The following SLCO5A1 variants were observed in gnomAD, a reference collection of about 807,000 sequenced individuals.
SLCO5A1 encodes the protein solute carrier organic anion transporter family member 5A1.
SLCO5A1 carries 39 observed loss-of-function variants against 65.1 expected under a neutral mutation model. The observed-to-expected ratio is 0.60, with a 90% CI of 0.46 to 0.78. SLCO5A1 has a LOEUF of 0.78. Ranked by LOEUF, SLCO5A1 falls within the 30% of genes least tolerant of loss-of-function variation. SLCO5A1 has a pLI of 0.00. For missense variants in SLCO5A1, 1,029 were observed against 1,069.4 expected (o/e 0.96, Z 0.53); for synonymous variants, 438 against 415.7 (o/e 1.05, Z -0.65).
At chr8:69,834,499 C>G (rs1821330928) in intron 1 of SLCO5A1, among the ~76,000 whole-genome samples, 2 of 152,182 alleles carry the variant, frequency 1.3e-5, no homozygotes, top group Admixed American at 1.3e-4. Context: ...CGGGCTTCCC[C>G]GCCGCTGCCT....
intron 6 of SLCO5A1, among the ~76,000 whole-genome samples, chr8:69,694,765 A>G (rs1814427121): frequency 6.6e-6 from 1 of 152,256 alleles, no homozygotes; most frequent in African/African-American, 2.4e-5. Context: ...AAACTGAGTT[A>G]TTCCTTTGCT....
chr8:69,753,352 C>A (rs1019185818), intron 4 of SLCO5A1, among the ~76,000 whole-genome samples: 1 of 152,152 alleles, frequency 6.6e-6, no homozygotes, highest in Non-Finnish European at 1.5e-5. Context: ...TTCCTTGGTA[C>A]CTGAAAACCG....
At chr8:69,778,573 T>C (rs1013206497) in intron 2 of SLCO5A1, among the ~76,000 whole-genome samples, 1 of 152,202 alleles carries the variant, frequency 6.6e-6, no homozygotes, top group Non-Finnish European at 1.5e-5. Context: ...TAACTTTTCA[T>C]ATTTTCAGTT....
chr8:69,814,192 G>A (rs142016889), intron 2 of SLCO5A1, among the ~76,000 whole-genome samples: 36 of 152,078 alleles, frequency 2.4e-4, no homozygotes, highest in African/African-American at 8.7e-4. Context: ...TAGACAAATG[G>A]GATTACATCA....
chr8:69,690,796 T>C lies in SLCO5A1; in HGVS notation c.1623-8453A>G, dbSNP rs1416702621. Among the ~76,000 whole-genome samples, 5 of 152,174 alleles carry C rather than the reference T, an allele frequency of 3.3e-5. 1 individual carries two copies. Among genetic ancestry groups the C allele is most frequent in the Non-Finnish European group, 5.9e-5 (4 of 68,034 alleles). On this transcript the variant is annotated intron_variant, in intron 6 of 9. Transcript: ENST00000260126. The stretch of plus-strand genomic sequence containing the variant: ...AGAAAACTGAGAAAACTCTTCCTGG[T>C]CATTTGGTAGCTCAAGAATCACCCC...
intron 5 of SLCO5A1, among the ~76,000 whole-genome samples, chr8:69,718,632 T>G (rs2130824271): frequency 6.6e-6 from 1 of 152,340 alleles, no homozygotes; most frequent in African/African-American, 2.4e-5. Context: ...AAACATGTTT[T>G]TTAAAACAAC....
At chr8:69,676,767 A>G in intron 8 of SLCO5A1, 94 bp from the exon 9 acceptor site, 2 of 970,694 alleles carry the variant, frequency 2.1e-6, no homozygotes, top group Non-Finnish European at 3.1e-6. Flanking sequence ...GCCAGGGACT[A>G]AAGATGCCAT....
At position 69,671,892 on chromosome 8, in the gene SLCO5A1, A is replaced by C. The variant is rs1813341099; in HGVS notation, c.*977T>G. On this transcript the variant is annotated 3_prime_UTR_variant, in exon 10 of 10. Transcript: ENST00000260126. Reference sequence around the variant, plus strand: ...CACAGCAATTTTCTGTCCAGAAAAAAAGAAAACCACACAGATTTGCCAGTG... The same window carrying C: ...CACAGCAATTTTCTGTCCAGAAAAACAGAAAACCACACAGATTTGCCAGTG... 6.6e-6 allele frequency: 1 copy of C among 152,200 alleles called. No homozygotes were observed. 9.4% of individuals were successfully genotyped at this position (152,200 alleles called of 1,614,324 possible).
rs1396422379 is a variant in SLCO5A1, at chr8:69,761,832, A to G, written c.951T>C (p.Tyr317=). The stretch of plus-strand genomic sequence containing the variant: ...AACCAATAAGAAGTCCACCTAATAA[A>G]TATCCCACTGCAGGGCCAAGTGCTC... ...VMGALGPAVG[Y]LLGGLLIGFY... The change falls in exon 3 of 10, where the codon TAT becomes TAC. Residue 317 remains tyrosine, a synonymous_variant. Transcript: ENST00000260126. 1 of 1,613,984 alleles carries G rather than the reference A, an allele frequency of 6.2e-7. No individual in the cohort carries two copies. Among genetic ancestry groups the G allele is most frequent in the East Asian group, 2.2e-5 (1 of 44,860 alleles).
intron 2 of SLCO5A1, among the ~76,000 whole-genome samples, chr8:69,802,639 C>A (rs1431553433): frequency 1.3e-5 from 2 of 151,868 alleles, no homozygotes; most frequent in African/African-American, 2.4e-5. Context: ...TCTGACCACT[C>A]TCCCTCCCTC....
intron 5 of SLCO5A1, among the ~76,000 whole-genome samples, chr8:69,726,824 T>C (rs1816102366): frequency 2.0e-5 from 3 of 152,106 alleles, no homozygotes; most frequent in Admixed American, 2.0e-4. Context: ...AGCCATAATT[T>C]TTCTTCTTCC....
intron 2 of SLCO5A1, among the ~76,000 whole-genome samples, chr8:69,818,765 A>T (rs998826177): frequency 6.6e-6 from 1 of 152,146 alleles, no homozygotes; most frequent in East Asian, 1.9e-4. Context: ...TCAAAATTCA[A>T]TCATTACTGT....
intron 5 of SLCO5A1, among the ~76,000 whole-genome samples, chr8:69,721,713 A>G (rs542409088): frequency 2.6e-5 from 4 of 152,210 alleles, no homozygotes; most frequent in Non-Finnish European, 4.4e-5. Context: ...TTACTTCAGG[A>G]TCATTTCTTT....
At chr8:69,680,125 G>T (rs967754658) in intron 7 of SLCO5A1, among the ~76,000 whole-genome samples, 1 of 152,142 alleles carries the variant, frequency 6.6e-6, no homozygotes, top group East Asian at 1.9e-4. Flanking sequence ...TTGGTGTTCC[G>T]TTTTCTTTTC....
chr8:69,826,729 G>T (rs1820932529), intron 2 of SLCO5A1, among the ~76,000 whole-genome samples: 1 of 152,216 alleles, frequency 6.6e-6, no homozygotes, highest in African/African-American at 2.4e-5. Flanking sequence ...CATTGTGGAA[G>T]TCAGTGTGGC....
At chr8:69,688,765 C>T (rs1814110946) in intron 6 of SLCO5A1, among the ~76,000 whole-genome samples, 1 of 152,118 alleles carries the variant, frequency 6.6e-6, no homozygotes, top group Non-Finnish European at 1.5e-5. Context: ...GGTTCCAAGT[C>T]TTTGCTATTG....
intron 2 of SLCO5A1, among the ~76,000 whole-genome samples, chr8:69,766,957 T>C (rs1022769681): frequency 2.0e-4 from 31 of 152,226 alleles, no homozygotes; most frequent in African/African-American, 7.0e-4. Flanking sequence ...GATGTCATGA[T>C]GAAACTCTTC....
rs190537052 is a variant in SLCO5A1, at chr8:69,819,388, A to G, written c.907+12379T>C. Among the ~76,000 whole-genome samples the G allele has an allele frequency of 2.9e-3, 440 of 151,468 alleles. 2 individuals carry two copies. The highest frequency in any genetic ancestry group is 0.01 in the African/African-American group (414 of 41,264). ...GGCAGGCACACTGCTTGGGTCCAGCATTGCCCATGGCTAGATGGCCAAGCC... is the reference window on the plus strand; with the variant it reads ...GGCAGGCACACTGCTTGGGTCCAGCGTTGCCCATGGCTAGATGGCCAAGCC... On this transcript the variant is annotated intron_variant, in intron 2 of 9. Transcript: ENST00000260126.
rs1235648035 is a variant in SLCO5A1 at position 69,759,168 on chromosome 8, G to A, written c.1040+2575C>T. 2.0e-5 allele frequency among the ~76,000 whole-genome samples: 3 copies of A among 152,176 alleles called. No individual in the cohort carries two copies. The East Asian group carries it at 5.8e-4, about 29-fold the overall frequency. On this transcript the variant is annotated intron_variant, in intron 3 of 9. Transcript: ENST00000260126. The stretch of plus-strand genomic sequence containing the variant: ...TCCTTCCTTCTCCCTTTCAGCATGT[G>A]CCCATTGAAAACTTATCACTGCTGC...
Sources: allele counts gnomAD v4.1 joint callset (sites outside exome capture counted in the v4.1 genomes callset), GRCh38; gene constraint gnomAD v4.1.1; transcripts MANE v1.5; gene names NCBI Gene and HGNC (gene_info 2026-07-23, HGNC 2026-07-21).